The following PLEKHG1 variants were observed in gnomAD, a reference collection of about 807,000 sequenced individuals.
PLEKHG1 encodes pleckstrin homology domain-containing family G member 1.
In PLEKHG1, 44 loss-of-function variants were observed where a neutral mutation model predicts 100.8. That is an observed-to-expected ratio of 0.44 (90% CI 0.34 to 0.56). The LOEUF (loss-of-function observed/expected upper bound fraction) is 0.56. PLEKHG1 is among the 20% of genes least tolerant of loss of function. The probability of loss-of-function intolerance (pLI) is 0.01; values close to 1 mark genes in which losing one functional copy is unlikely to be tolerated. For missense variants in PLEKHG1, 1,545 were observed against 1,720.9 expected, an observed-to-expected ratio of 0.90 and a Z score of 1.81; for synonymous variants, 640 against 662.5, an observed-to-expected ratio of 0.97 and a Z score of 0.52.
intron 3 of PLEKHG1, among the ~76,000 whole-genome samples, chr6:150,674,628 CCTCCCTCTCTCTCTCTCTCTCT>C (rs1779681020): frequency 3.9e-5 from 2 of 51,848 alleles, no homozygotes; most frequent in South Asian, 6.9e-4. Flanking sequence ...TTCTCTCTCT[CCTCCCTCTCTCTCTCTCTCTCT>C]CTCTCTCTCT....
intron 3 of PLEKHG1, among the ~76,000 whole-genome samples, chr6:150,655,842 A>G (rs1778948389): frequency 6.6e-6 from 1 of 152,128 alleles, no homozygotes; most frequent in Admixed American, 6.6e-5. Flanking sequence ...TCACCAAACT[A>G]ACACAAGAAC....
exon 16 of PLEKHG1, chr6:150,839,889 C>T (rs772048396): frequency 1.2e-6 from 2 of 1,614,066 alleles, no homozygotes; most frequent in East Asian, 4.5e-5. Flanking sequence ...CAGAGAGTCT[C>T]CCTTGAAAAT....
chr6:150,704,939 A>G (rs1371553712), intron 3 of PLEKHG1, among the ~76,000 whole-genome samples: 2 of 152,252 alleles, frequency 1.3e-5, no homozygotes, highest in African/African-American at 2.4e-5. Context: ...TTCTCTTCCT[A>G]TAGGGACACC....
intron 1 of PLEKHG1, among the ~76,000 whole-genome samples, chr6:150,603,096 AAAAAAAAG>A (rs1776432178): frequency 2.0e-5 from 3 of 150,472 alleles, no homozygotes; most frequent in Non-Finnish European, 4.4e-5. Context: ...AAAAAAAATA[AAAAAAAAG>A]AAAAGAAAAA....
intron 5 of PLEKHG1, among the ~76,000 whole-genome samples, chr6:150,798,200 A>G (rs988912696): frequency 6.6e-6 from 1 of 152,168 alleles, no homozygotes; most frequent in African/African-American, 2.4e-5. Flanking sequence ...GAGAAATCAC[A>G]GAATCAGCCC....
intron 1 of PLEKHG1, among the ~76,000 whole-genome samples, chr6:150,602,995 G>C (rs1364788996): frequency 6.7e-6 from 1 of 148,540 alleles, no homozygotes; most frequent in Admixed American, 6.8e-5. Context: ...GCAGGAGAAT[G>C]GCGTGAACCC....
chr6:150,630,535 A>G (rs1777702665), intron 1 of PLEKHG1, among the ~76,000 whole-genome samples: 1 of 152,134 alleles, frequency 6.6e-6, no homozygotes, highest in Non-Finnish European at 1.5e-5. Context: ...TACAGTTGAC[A>G]CCATTTTCTG....
rs565095547 is a variant in PLEKHG1 at position 150,842,231 on chromosome 6, G to GC, written c.*1336dup. 242 of 152,322 alleles carry GC rather than the reference G, an allele frequency of 1.6e-3. 1 individual carries two copies. Among genetic ancestry groups the GC allele is most frequent in the African/African-American group, 5.2e-3 (216 of 41,572 alleles). The allele number at this position is 152,322 out of a possible 1,614,324, so 9.4% of individuals were successfully genotyped here. On this transcript the variant is annotated 3_prime_UTR_variant, in exon 16 of 16. Transcript: ENST00000358517. ...TATTTTATTGAAGACTGCAATTAAT[G>GC]CAGCAAGAATGCTTTCTCAAGCGGT...
intron 3 of PLEKHG1, among the ~76,000 whole-genome samples, chr6:150,776,759 T>C (rs1381403350): frequency 6.7e-6 from 1 of 149,968 alleles, no homozygotes. Context: ...AGTTGCACAT[T>C]ACTCACACTG....
chr6:150,715,490 CTT>C (rs35466419), intron 3 of PLEKHG1, among the ~76,000 whole-genome samples: 29 of 133,424 alleles, frequency 2.2e-4, no homozygotes, highest in Non-Finnish European at 2.9e-4. Context: ...TTTTCTTTTT[CTT>C]TTTTTTTTTT....
At chr6:150,840,390 A>G (rs756884183) in exon 16 of PLEKHG1, 1 of 1,614,224 alleles carries the variant, frequency 6.2e-7, no homozygotes, top group Non-Finnish European at 8.5e-7. Flanking sequence ...AAGGTGTGAG[A>G]GTCACCAGGA....
chr6:150,653,542 A>C (rs573785431), intron 3 of PLEKHG1, among the ~76,000 whole-genome samples: 1 of 152,166 alleles, frequency 6.6e-6, no homozygotes, highest in Non-Finnish European at 1.5e-5. Context: ...TAGGAGTTCG[A>C]GACCAGCCTG....
chr6:150,829,979 C>G (rs1404211420), intron 14 of PLEKHG1, among the ~76,000 whole-genome samples: 1 of 152,168 alleles, frequency 6.6e-6, no homozygotes, highest in Non-Finnish European at 1.5e-5. Flanking sequence ...TGGCCCTTAA[C>G]TTCTATACAT....
intron 2 of PLEKHG1, among the ~76,000 whole-genome samples, chr6:150,738,962 A>C (rs1306574086): frequency 1.3e-5 from 2 of 152,220 alleles, no homozygotes. Flanking sequence ...GGAAAGCAGA[A>C]AATAAGGGTT....
intron 6 of PLEKHG1, among the ~76,000 whole-genome samples, chr6:150,802,328 TA>T (rs11305529): frequency 0.033 from 4,975 of 152,292 alleles, 175 homozygotes; most frequent in East Asian, 0.13. Context: ...AAATAACTCT[TA>T]AATAATATTT....
intron 3 of PLEKHG1, among the ~76,000 whole-genome samples, chr6:150,676,902 C>T (rs1418667053): frequency 6.6e-6 from 1 of 152,030 alleles, no homozygotes; most frequent in Non-Finnish European, 1.5e-5. Context: ...AAGCTTCAGC[C>T]TTTCCCTCCC....
intron 5 of PLEKHG1, among the ~76,000 whole-genome samples, chr6:150,799,723 T>C (rs949182084): frequency 6.6e-6 from 1 of 152,218 alleles, no homozygotes; most frequent in Non-Finnish European, 1.5e-5. Flanking sequence ...GGGATTCTAA[T>C]GGTTTAATTA....
chr6:150,659,973 A>C (rs1322745129), intron 3 of PLEKHG1, among the ~76,000 whole-genome samples: 4 of 152,214 alleles, frequency 2.6e-5, no homozygotes, highest in Non-Finnish European at 5.9e-5. Context: ...ACACGCATTC[A>C]TAAGAAATCA....
rs142947520 is a variant in PLEKHG1, at chr6:150,783,794, C to T, written c.513-2596C>T. 2.9e-3 allele frequency among the ~76,000 whole-genome samples: 438 copies of T among 152,098 alleles called. 2 individuals are homozygous for T. The highest frequency in any genetic ancestry group is 5.2e-3 in the Admixed American group (80 of 15,278). On this transcript the variant is annotated intron_variant, in intron 3 of 15. Transcript: ENST00000358517. Reference sequence around the variant, plus strand: ...TGTTTGCCACATTAGAAATGAAAACCGAGAACCTGTTAAGATGTCTATTTA... The same window carrying T: ...TGTTTGCCACATTAGAAATGAAAACTGAGAACCTGTTAAGATGTCTATTTA...
Sources: allele counts gnomAD v4.1 joint callset (sites outside exome capture counted in the v4.1 genomes callset), GRCh38; gene constraint gnomAD v4.1.1; transcripts MANE v1.5; gene names NCBI Gene and HGNC (gene_info 2026-07-23, HGNC 2026-07-21).